Variants in GPC3 observed in about 807,000 individuals in gnomAD.
GPC3 encodes glypican-3.
A neutral mutation model predicts 34.4 loss-of-function variants in GPC3; 3 were observed. That is an observed-to-expected ratio of 0.09 (90% CI 0.04 to 0.23). The LOEUF (loss-of-function observed/expected upper bound fraction) is 0.23, where lower values mean the gene tolerates loss of function less well. GPC3 is among the 10% of genes least tolerant of loss of function. GPC3 has a pLI of 1.00. For missense variants in GPC3, 351 were observed against 445.6 expected (o/e 0.79, Z 1.91); for synonymous variants, 177 against 174.0 (o/e 1.02, Z -0.13).
At chrX:133,671,830 G>A (rs915263134) in intron 5 of GPC3, among the ~76,000 whole-genome samples, 3 of 111,265 alleles carry the variant, frequency 2.7e-5, no homozygotes, top group Middle Eastern at 4.6e-3. Context: ...GCCAGGCCCC[G>A]GTGTGTGATG....
At chrX:133,664,494 T>C (rs2070752792) in intron 5 of GPC3, among the ~76,000 whole-genome samples, 1 of 109,742 alleles carries the variant, frequency 9.1e-6, no homozygotes, top group Non-Finnish European at 1.9e-5. Flanking sequence ...GGACTACATT[T>C]TAATGTTCAA....
At chrX:133,801,193 G>T (rs186506638) in intron 2 of GPC3, among the ~76,000 whole-genome samples, 2 of 111,582 alleles carry the variant, frequency 1.8e-5, no homozygotes, top group African/African-American at 6.5e-5. Flanking sequence ...AGTTCACAAA[G>T]GGGGTTTCTT....
chrX:133,863,062 T>C (rs1450640298), intron 2 of GPC3, among the ~76,000 whole-genome samples: 2 of 112,930 alleles, frequency 1.8e-5, no homozygotes, highest in East Asian at 5.6e-4. Context: ...TCTAAGAACA[T>C]TCAACAACAT....
At chrX:133,892,442 C>A (rs2076092105) in intron 2 of GPC3, among the ~76,000 whole-genome samples, 1 of 111,085 alleles carries the variant, frequency 9.0e-6, no homozygotes, top group South Asian at 3.8e-4. Flanking sequence ...GCAGTCAGGG[C>A]AAGTTACAGC....
At chrX:133,886,225 G>A (rs569417902) in intron 2 of GPC3, among the ~76,000 whole-genome samples, 2 of 109,444 alleles carry the variant, frequency 1.8e-5, no homozygotes, top group Admixed American at 9.9e-5. Context: ...ACTCAGATTC[G>A]GGGCTGGGTG....
At chrX:133,864,840 G>T (rs1467392014) in intron 2 of GPC3, among the ~76,000 whole-genome samples, 2 of 112,629 alleles carry the variant, frequency 1.8e-5, no homozygotes, top group Non-Finnish European at 3.7e-5. Flanking sequence ...CATATGACAA[G>T]TGTTCATCCT....
intron 6 of GPC3, among the ~76,000 whole-genome samples, chrX:133,659,109 A>G (rs1334030114): frequency 2.7e-5 from 3 of 112,352 alleles, no homozygotes; most frequent in Admixed American, 9.4e-5. Context: ...TGTACATATT[A>G]TATATATGTA....
intron 5 of GPC3, among the ~76,000 whole-genome samples, chrX:133,677,742 CCTT>C (rs1303204831): frequency 1.8e-5 from 2 of 111,550 alleles, no homozygotes; most frequent in Non-Finnish European, 3.8e-5. Flanking sequence ...TCTAAGAACT[CCTT>C]CTTCCAGGGG....
intron 6 of GPC3, among the ~76,000 whole-genome samples, chrX:133,618,949 C>T (rs1015795966): frequency 1.8e-5 from 2 of 110,765 alleles, no homozygotes; most frequent in African/African-American, 3.3e-5. Context: ...TCTGAAGAGT[C>T]TTGTATCCAG....
chrX:133,959,423 A>C (rs2076432634), intron 1 of GPC3, among the ~76,000 whole-genome samples: 1 of 112,392 alleles, frequency 8.9e-6, no homozygotes, highest in Non-Finnish European at 1.9e-5. Flanking sequence ...TCAATGTGTC[A>C]GTTCTATTGG....
At chrX:133,598,980 G>T (rs2069951265) in intron 6 of GPC3, among the ~76,000 whole-genome samples, 1 of 112,221 alleles carries the variant, frequency 8.9e-6, no homozygotes, top group Admixed American at 9.5e-5. Flanking sequence ...ACAATTTTTG[G>T]TTTTCTATTG....
intron 2 of GPC3, among the ~76,000 whole-genome samples, chrX:133,805,795 A>G (rs1339767443): frequency 5.3e-5 from 6 of 112,181 alleles, no homozygotes; most frequent in Non-Finnish European, 1.1e-4. Flanking sequence ...TATAAATGCT[A>G]GCTATTATCC....
At chrX:133,696,037 G>A (rs1385767755) in intron 4 of GPC3, among the ~76,000 whole-genome samples, 1 of 111,650 alleles carries the variant, frequency 9.0e-6, no homozygotes. Flanking sequence ...CTAATTCCCA[G>A]GCCCTGTGGG....
intron 3 of GPC3, among the ~76,000 whole-genome samples, chrX:133,730,413 G>C (rs2071451298): frequency 9.0e-6 from 1 of 111,690 alleles, no homozygotes. Context: ...TCAAAGCTGA[G>C]AGAAACAAGA....
intron 2 of GPC3, among the ~76,000 whole-genome samples, chrX:133,868,937 T>G: frequency 8.9e-6 from 1 of 112,186 alleles, no homozygotes; most frequent in East Asian, 2.8e-4. Context: ...GTTTTAGGGC[T>G]AATAACTAAA....
At chrX:133,650,146 A>G (rs187251252) in intron 6 of GPC3, among the ~76,000 whole-genome samples, 1 of 111,802 alleles carries the variant, frequency 8.9e-6, no homozygotes, top group Admixed American at 9.6e-5. Flanking sequence ...ATCGGCCAAT[A>G]AGGATATCAT....
intron 2 of GPC3, among the ~76,000 whole-genome samples, chrX:133,900,086 AGC>A (rs2076137555): frequency 8.9e-6 from 1 of 112,099 alleles, no homozygotes; most frequent in African/African-American, 3.2e-5. Flanking sequence ...TACAGGCATG[AGC>A]CACCGCGCCC....
intron 2 of GPC3, among the ~76,000 whole-genome samples, chrX:133,837,563 G>C (rs987332855): frequency 9.0e-6 from 1 of 111,587 alleles, no homozygotes; most frequent in Non-Finnish European, 1.9e-5. Context: ...GGGCCTCAGG[G>C]TCGCACAACC....
chrX:133,801,864 G>A (rs1405390632), intron 2 of GPC3, among the ~76,000 whole-genome samples: 2 of 112,120 alleles, frequency 1.8e-5, no homozygotes, highest in Non-Finnish European at 3.8e-5. Context: ...TGCATTCTAA[G>A]TTTAATTGCA....
Sources: allele counts gnomAD v4.1 joint callset (sites outside exome capture counted in the v4.1 genomes callset), GRCh38; gene constraint gnomAD v4.1.1; transcripts MANE v1.5; gene names NCBI Gene and HGNC (gene_info 2026-07-23, HGNC 2026-07-21).